NKAIN2: variants seen among roughly 807,000 people sequenced by gnomAD.
NKAIN2 encodes sodium/potassium transporting ATPase interacting 2.
A neutral mutation model predicts 32.6 loss-of-function variants in NKAIN2; 14 were observed. The observed-to-expected ratio is 0.43, with a 90% CI of 0.28 to 0.67. The LOEUF is 0.67. Among genes scored for constraint, NKAIN2 ranks in the 30% least tolerant of loss-of-function variants. The pLI, the probability that NKAIN2 is intolerant of heterozygous loss-of-function variation, is 0.17. For missense variants in NKAIN2, 198 were observed against 258.3 expected, an observed-to-expected ratio of 0.77 and a Z score of 1.60; for synonymous variants, 80 against 87.2, an observed-to-expected ratio of 0.92 and a Z score of 0.46.
intron 4 of NKAIN2, among the ~76,000 whole-genome samples, chr6:124,686,504 C>T (rs1183187306): frequency 6.6e-6 from 1 of 151,952 alleles, no homozygotes; most frequent in African/African-American, 2.4e-5. Flanking sequence ...TCTCATAGAA[C>T]CCTATAACAA....
intron 1 of NKAIN2, among the ~76,000 whole-genome samples, chr6:123,846,644 G>C (rs765034350): frequency 1.3e-5 from 2 of 152,162 alleles, no homozygotes; most frequent in Non-Finnish European, 2.9e-5. Flanking sequence ...GGTTGATAGA[G>C]AATGTGAGAA....
chr6:123,898,641 T>A (rs1280065438), intron 1 of NKAIN2, among the ~76,000 whole-genome samples: 1 of 151,936 alleles, frequency 6.6e-6, no homozygotes, highest in Non-Finnish European at 1.5e-5. Context: ...CTTAAATTAA[T>A]GAGTACCAGG....
chr6:124,423,006 A>T, intron 3 of NKAIN2, among the ~76,000 whole-genome samples: 1 of 152,246 alleles, frequency 6.6e-6, no homozygotes, highest in South Asian at 2.1e-4. Context: ...GAAAACACAT[A>T]CATTTTTGCA....
chr6:124,052,701 C>T (rs1185943182), intron 1 of NKAIN2, among the ~76,000 whole-genome samples: 1 of 152,030 alleles, frequency 6.6e-6, no homozygotes, highest in Non-Finnish European at 1.5e-5. Flanking sequence ...ATGGCAAATA[C>T]CCTCAGTTAT....
chr6:123,804,966 T>A (rs1208220204), intron 1 of NKAIN2, among the ~76,000 whole-genome samples: 1 of 152,214 alleles, frequency 6.6e-6, no homozygotes, highest in Non-Finnish European at 1.5e-5. Flanking sequence ...CTGAAATAGA[T>A]ACTGTTGTCT....
At chr6:124,380,039 G>T (rs894357999) in intron 3 of NKAIN2, among the ~76,000 whole-genome samples, 1 of 152,022 alleles carries the variant, frequency 6.6e-6, no homozygotes, top group African/African-American at 2.4e-5. Flanking sequence ...ATATTTTCAC[G>T]CTATGCAGTT....
chr6:124,009,178 TCTA>T (rs1255640379), intron 1 of NKAIN2, among the ~76,000 whole-genome samples: 2 of 152,208 alleles, frequency 1.3e-5, no homozygotes, highest in Non-Finnish European at 2.9e-5. Flanking sequence ...TTCCTCATAC[TCTA>T]CTTTCATTAG....
At chr6:124,053,772 G>A (rs983996225) in intron 1 of NKAIN2, among the ~76,000 whole-genome samples, 1 of 151,978 alleles carries the variant, frequency 6.6e-6, no homozygotes, top group Admixed American at 6.6e-5. Context: ...GGCTTGAGGA[G>A]GAAAAACATA....
chr6:124,728,824 GAA>G (rs530776075), intron 4 of NKAIN2, among the ~76,000 whole-genome samples: 249 of 150,662 alleles, frequency 1.7e-3, no homozygotes, highest in African/African-American at 5.6e-3. Flanking sequence ...GACTAATAAA[GAA>G]AAAAAGAGAG....
intron 1 of NKAIN2, among the ~76,000 whole-genome samples, chr6:123,847,825 T>TA (rs1175258460): frequency 6.6e-6 from 1 of 152,110 alleles, no homozygotes; most frequent in Non-Finnish European, 1.5e-5. Flanking sequence ...TAAAAAATCT[T>TA]AAAAAAATGC....
chr6:124,209,331 A>G (rs1791055080), intron 1 of NKAIN2, among the ~76,000 whole-genome samples: 1 of 151,810 alleles, frequency 6.6e-6, no homozygotes, highest in Admixed American at 6.6e-5. Context: ...ATAATATTTC[A>G]TTGTATATAC....
At chr6:124,092,152 C>T (rs572272609) in intron 1 of NKAIN2, among the ~76,000 whole-genome samples, 4 of 152,026 alleles carry the variant, frequency 2.6e-5, no homozygotes, top group Non-Finnish European at 5.9e-5. Flanking sequence ...GTTTTCCTAT[C>T]ATACACAGCA....
At chr6:124,468,807 A>G (rs145586664) in intron 3 of NKAIN2, among the ~76,000 whole-genome samples, 25 of 152,328 alleles carry the variant, frequency 1.6e-4, no homozygotes, top group African/African-American at 6.0e-4. Flanking sequence ...GTTGTGTTGT[A>G]GAAAACAAAT....
At chr6:124,707,868 G>C (rs1479405492) in intron 4 of NKAIN2, among the ~76,000 whole-genome samples, 1 of 152,186 alleles carries the variant, frequency 6.6e-6, no homozygotes, top group Non-Finnish European at 1.5e-5. Flanking sequence ...TGTGAATTTT[G>C]TCTTTTGTTG....
At chr6:124,652,919 A>T (rs1306448663) in intron 3 of NKAIN2, among the ~76,000 whole-genome samples, 1 of 152,156 alleles carries the variant, frequency 6.6e-6, no homozygotes, top group Non-Finnish European at 1.5e-5. Flanking sequence ...TCCTACACAC[A>T]ATTTTGGGGG....
chr6:123,940,792 G>A (rs1033231183), intron 1 of NKAIN2, among the ~76,000 whole-genome samples: 2 of 152,040 alleles, frequency 1.3e-5, no homozygotes, highest in Non-Finnish European at 1.5e-5. Context: ...GGACATTACT[G>A]TACACTAAGA....
intron 1 of NKAIN2, among the ~76,000 whole-genome samples, chr6:124,083,463 A>G (rs1180122695): frequency 4.0e-5 from 6 of 151,876 alleles, no homozygotes; most frequent in Non-Finnish European, 7.4e-5. Flanking sequence ...CAGGATAATA[A>G]TGGCTGTTTT....
At chr6:124,259,380 C>G (rs778362113) in intron 1 of NKAIN2, among the ~76,000 whole-genome samples, 2 of 152,078 alleles carry the variant, frequency 1.3e-5, no homozygotes, top group Non-Finnish European at 2.9e-5. Context: ...TCCCTTGATA[C>G]TATCTGGGAG....
At chr6:123,882,239 T>C (rs1773488323) in intron 1 of NKAIN2, among the ~76,000 whole-genome samples, 1 of 152,064 alleles carries the variant, frequency 6.6e-6, no homozygotes, top group African/African-American at 2.4e-5. Context: ...TGGATAAACC[T>C]AGGTACAAGA....
Sources: allele counts gnomAD v4.1 joint callset (sites outside exome capture counted in the v4.1 genomes callset), GRCh38; gene constraint gnomAD v4.1.1; transcripts MANE v1.5; gene names NCBI Gene and HGNC (gene_info 2026-07-23, HGNC 2026-07-21).